KDM2A: variants seen among roughly 807,000 people sequenced by gnomAD.
The protein encoded by KDM2A is lysine-specific demethylase 2A.
In KDM2A, 3 loss-of-function variants were observed where a neutral mutation model predicts 137.3. The observed-to-expected ratio is 0.02, with a 90% CI of 0.01 to 0.06. The LOEUF (loss-of-function observed/expected upper bound fraction) is 0.06. Ranked by LOEUF, KDM2A falls within the 10% of genes least tolerant of loss-of-function variation. The probability of loss-of-function intolerance (pLI) is 1.00; values close to 1 mark genes in which losing one functional copy is unlikely to be tolerated. For synonymous variants in KDM2A, 512 were observed against 541.5 expected, an observed-to-expected ratio of 0.95 and a Z score of 0.76; for missense variants, 738 against 1,510.6, an observed-to-expected ratio of 0.49 and a Z score of 8.48.
At position 67,256,378 on chromosome 11, in the gene KDM2A, C is replaced by G. The variant is rs998487382; in HGVS notation, c.*1323C>G. 2.0e-5 allele frequency: 3 copies of G among 152,384 alleles called. No homozygotes were observed. The highest frequency in any genetic ancestry group is 4.8e-5 in the African/African-American group (2 of 41,380). 9.4% of individuals were successfully genotyped at this position (152,384 alleles called of 1,614,324 possible). A position where few individuals can be genotyped will look rare whatever the true frequency, so the allele number is the denominator to read the frequency against. The stretch of plus-strand genomic sequence containing the variant: ...AAAAAAAAAAGAAAGAAAGAAAGGT[C>G]GGAATTTCTTTTGGGTCAATATTTT... On this transcript the variant is annotated 3_prime_UTR_variant, in exon 21 of 21. Transcript: ENST00000529006.
In KDM2A at chr11:67,145,314, G is replaced by A. The variant is rs117930887; in HGVS notation, c.42+23956G>A. On this transcript the variant is annotated intron_variant, in intron 2 of 20. Coordinates refer to ENST00000529006, the MANE Select transcript of KDM2A (RefSeq NM_012308.3). ...AGTCTGGCCAACATGGTGAAACCCCGTCTACAAAAAACACACACACACAAA... is the reference window on the plus strand; with the variant it reads ...AGTCTGGCCAACATGGTGAAACCCCATCTACAAAAAACACACACACACAAA... Among the ~76,000 whole-genome samples the A allele has an allele frequency of 4.9e-3, 741 of 151,614 alleles. 4 individuals carry two copies. Among genetic ancestry groups the A allele is most frequent in the Non-Finnish European group, 8.9e-3 (603 of 67,858 alleles).
intron 2 of KDM2A, among the ~76,000 whole-genome samples, chr11:67,149,390 A>G (rs545038789): frequency 4.6e-5 from 7 of 152,294 alleles, no homozygotes; most frequent in African/African-American, 1.7e-4. Flanking sequence ...AGCTTTCAAT[A>G]AAAGGTATCT....
intron 2 of KDM2A, among the ~76,000 whole-genome samples, chr11:67,171,065 G>A (rs1213498812): frequency 6.6e-6 from 1 of 152,132 alleles, no homozygotes; most frequent in Non-Finnish European, 1.5e-5. Context: ...TACATGCATA[G>A]TGCTTGTTAC....
chr11:67,136,124 G>A (rs1262951125), intron 2 of KDM2A, among the ~76,000 whole-genome samples: 1 of 152,160 alleles, frequency 6.6e-6, no homozygotes, highest in East Asian at 1.9e-4. Context: ...CAATCTCATG[G>A]ATAATAGCAC....
chr11:67,141,743 C>T (rs1045584551), intron 2 of KDM2A, among the ~76,000 whole-genome samples: 2 of 146,870 alleles, frequency 1.4e-5, no homozygotes, highest in Non-Finnish European at 3.0e-5. Context: ...ACCCTACTTA[C>T]GATTGAGCTT....
chr11:67,173,364 C>T (rs1034724956), intron 2 of KDM2A, among the ~76,000 whole-genome samples: 4 of 152,128 alleles, frequency 2.6e-5, no homozygotes, highest in Admixed American at 1.3e-4. Context: ...TCAGGTGATC[C>T]GCCCGCCTTG....
At position 67,120,323 on chromosome 11, in the gene KDM2A, T is replaced by C. The variant is rs1396436698; in HGVS notation, c.-84+274T>C. Among the ~76,000 whole-genome samples the C allele has an allele frequency of 2.0e-5, 3 of 152,192 alleles. No individual in the cohort carries two copies. In the East Asian group the frequency reaches 5.8e-4, roughly 29 times the overall value. ...CTGCCTCTAACTGCTCTGCAAACTG[T>C]GTCATCGGGTCCTCTGGTCTCGTAG... On this transcript the variant is annotated intron_variant, in intron 1 of 20. Coordinates refer to ENST00000529006, the MANE Select transcript of KDM2A (RefSeq NM_012308.3).
chr11:67,197,050 T>A (rs951394317), intron 5 of KDM2A: 1 of 152,590 alleles, frequency 6.6e-6, no homozygotes, highest in Non-Finnish European at 1.5e-5. Context: ...CTAATAATGA[T>A]CTTTGGAAGC....
chr11:67,157,790 A>G (rs1310162904), intron 2 of KDM2A, among the ~76,000 whole-genome samples: 1 of 151,528 alleles, frequency 6.6e-6, no homozygotes, highest in Non-Finnish European at 1.5e-5. Context: ...TACATTTGTT[A>G]CAACTGATGA....
At chr11:67,231,431 A>G (rs1858717389) in intron 11 of KDM2A, 135 bp from the exon 12 acceptor site, 1 of 817,218 alleles carries the variant, frequency 1.2e-6, no homozygotes, top group Non-Finnish European at 1.9e-6. Context: ...GGGTTGGAAT[A>G]AAGATAGACC....
intron 5 of KDM2A, among the ~76,000 whole-genome samples, chr11:67,202,700 C>G (rs1464473269): frequency 1.3e-5 from 2 of 151,966 alleles, no homozygotes; most frequent in Non-Finnish European, 2.9e-5. Flanking sequence ...GGCGTGAACC[C>G]AGGAGGCGGA....
At chr11:67,184,158 C>T (rs374824676) in intron 5 of KDM2A, among the ~76,000 whole-genome samples, 1 of 150,262 alleles carries the variant, frequency 6.7e-6, no homozygotes, top group African/African-American at 2.5e-5. Flanking sequence ...CTAATTGTTG[C>T]AGGCCTCTTC....
intron 6 of KDM2A, among the ~76,000 whole-genome samples, chr11:67,210,508 C>T (rs1423154569): frequency 6.6e-6 from 1 of 151,970 alleles, no homozygotes; most frequent in Non-Finnish European, 1.5e-5. Flanking sequence ...TTCACTCTGT[C>T]CCTAGTTTTA....
chr11:67,241,208 A>G (rs1859030446), intron 12 of KDM2A, among the ~76,000 whole-genome samples: 1 of 152,074 alleles, frequency 6.6e-6, no homozygotes, highest in Admixed American at 6.5e-5. Flanking sequence ...AATGGACCTG[A>G]ATTTTTCACC....
At chr11:67,225,180 A>G (rs999266869) in intron 10 of KDM2A, among the ~76,000 whole-genome samples, 1 of 151,988 alleles carries the variant, frequency 6.6e-6, no homozygotes, top group African/African-American at 2.4e-5. Flanking sequence ...CGCTTTTATT[A>G]TTTTCACATC....
chr11:67,178,249 TAAA>T (rs986809493), intron 2 of KDM2A, among the ~76,000 whole-genome samples: 11 of 151,580 alleles, frequency 7.3e-5, no homozygotes, highest in African/African-American at 1.9e-4. Flanking sequence ...CTACTAAAAA[TAAA>T]AAAATCAGCT....
chr11:67,227,079 A>T (rs1458763771), intron 10 of KDM2A, among the ~76,000 whole-genome samples: 2 of 152,230 alleles, frequency 1.3e-5, no homozygotes, highest in Non-Finnish European at 2.9e-5. Context: ...TACCTTTTAA[A>T]ATTAGTATCC....
intron 2 of KDM2A, among the ~76,000 whole-genome samples, chr11:67,132,855 A>C (rs146969720): frequency 6.4e-4 from 98 of 152,332 alleles, no homozygotes; most frequent in African/African-American, 2.3e-3. Flanking sequence ...GTTGGGGCCT[A>C]GCAATCTGTG....
At chr11:67,183,488 T>C (rs1857133610) in intron 5 of KDM2A, among the ~76,000 whole-genome samples, 1 of 152,232 alleles carries the variant, frequency 6.6e-6, no homozygotes, top group Admixed American at 6.5e-5. Context: ...ACTTTTCTCC[T>C]TACCTAGACA....
Sources: allele counts gnomAD v4.1 joint callset (sites outside exome capture counted in the v4.1 genomes callset), GRCh38; gene constraint gnomAD v4.1.1; transcripts MANE v1.5; gene names NCBI Gene and HGNC (gene_info 2026-07-23, HGNC 2026-07-21).